Variants in LRRC69 observed in about 807,000 individuals in gnomAD.
LRRC69 encodes the protein leucine rich repeat containing 69, also known as leucine-rich repeat-containing protein 69.
A neutral mutation model predicts 37.8 loss-of-function variants in LRRC69; 42 were observed. That is an observed-to-expected ratio of 1.11 (90% CI 0.87 to 1.44). The LOEUF is 1.44. LRRC69 is among the 40% of genes most tolerant of loss of function. LRRC69 has a pLI of 0.00. For missense variants in LRRC69, 357 were observed against 401.9 expected (o/e 0.89, Z 0.96); for synonymous variants, 141 against 143.1 (o/e 0.99, Z 0.11).
intron 5 of LRRC69, among the ~76,000 whole-genome samples, chr8:91,140,091 CA>C (rs560827789): frequency 0.033 from 3,841 of 114,776 alleles, 101 homozygotes; most frequent in African/African-American, 0.092. Flanking sequence ...AACTCCGTCT[CA>C]AAAAAAAAAA....
At chr8:91,163,060 T>C (rs1808972382) in intron 5 of LRRC69, among the ~76,000 whole-genome samples, 1 of 151,364 alleles carries the variant, frequency 6.6e-6, no homozygotes, top group Admixed American at 6.6e-5. Context: ...ATGTTAAGTG[T>C]AGTTATTTCT....
chr8:91,201,745 A>C (rs1245049077), intron 7 of LRRC69, among the ~76,000 whole-genome samples: 1 of 152,212 alleles, frequency 6.6e-6, no homozygotes, highest in Non-Finnish European at 1.5e-5. Flanking sequence ...AATTAATAAA[A>C]ACAGCTGCAG....
intron 5 of LRRC69, among the ~76,000 whole-genome samples, chr8:91,137,526 T>C (rs1477173383): frequency 6.6e-6 from 1 of 152,100 alleles, no homozygotes; most frequent in Non-Finnish European, 1.5e-5. Flanking sequence ...TCATTTATTA[T>C]TCACCTTTCA....
chr8:91,169,873 A>G (rs1213915984), intron 5 of LRRC69, among the ~76,000 whole-genome samples: 2 of 129,606 alleles, frequency 1.5e-5, no homozygotes, highest in Admixed American at 1.5e-4. Flanking sequence ...TTATGGCTGC[A>G]TAGTATTCCA....
intron 7 of LRRC69, among the ~76,000 whole-genome samples, chr8:91,201,704 A>G (rs1418785106): frequency 6.6e-6 from 1 of 152,142 alleles, no homozygotes; most frequent in Non-Finnish European, 1.5e-5. Flanking sequence ...TTGGGCTAGC[A>G]TAGTATAATA....
At chr8:91,103,084 G>A (rs1813249809) in intron 1 of LRRC69, among the ~76,000 whole-genome samples, 2 of 152,116 alleles carry the variant, frequency 1.3e-5, no homozygotes, top group South Asian at 2.1e-4. Context: ...CTGGAGTCAG[G>A]GGACTAGGTC....
chr8:91,158,404 A>G, intron 5 of LRRC69: 1 of 1,392,154 alleles, frequency 7.2e-7, no homozygotes. Context: ...ACCCCAAGAA[A>G]GTAAACAAAG....
chr8:91,174,441 G>A (rs1809189505), intron 5 of LRRC69, among the ~76,000 whole-genome samples: 1 of 152,094 alleles, frequency 6.6e-6, no homozygotes, highest in African/African-American at 2.4e-5. Context: ...AACCACACTG[G>A]GCCTTGTATG....
chr8:91,140,543 T>C (rs1808514091), intron 5 of LRRC69, among the ~76,000 whole-genome samples: 1 of 151,900 alleles, frequency 6.6e-6, no homozygotes, highest in African/African-American at 2.4e-5. Flanking sequence ...AAAAATTCAA[T>C]GTATACTGCA....
chr8:91,168,520 G>A (rs539489235), intron 5 of LRRC69, among the ~76,000 whole-genome samples: 1 of 151,840 alleles, frequency 6.6e-6, no homozygotes, highest in Non-Finnish European at 1.5e-5. Context: ...TTGCCCCTTG[G>A]TCTTTTCTTG....
chr8:91,173,038 TCTC>T (rs1259433018), intron 5 of LRRC69, among the ~76,000 whole-genome samples: 1 of 152,012 alleles, frequency 6.6e-6, no homozygotes. Context: ...TTCTGATTCT[TCTC>T]TGGTGTTGCC....
intron 5 of LRRC69, among the ~76,000 whole-genome samples, chr8:91,157,083 T>A (rs1808848731): frequency 6.6e-6 from 1 of 151,276 alleles, no homozygotes; most frequent in Non-Finnish European, 1.5e-5. Flanking sequence ...TGCTCAGAAT[T>A]GCTTTGGTTC....
At chr8:91,108,020 T>C (rs1464940511) in intron 1 of LRRC69, among the ~76,000 whole-genome samples, 1 of 152,026 alleles carries the variant, frequency 6.6e-6, no homozygotes, top group Admixed American at 6.6e-5. Flanking sequence ...GTAAAACAAA[T>C]AGCCATCATC....
intron 5 of LRRC69, among the ~76,000 whole-genome samples, chr8:91,136,725 C>G (rs183702702): frequency 8.7e-4 from 133 of 152,062 alleles, no homozygotes; most frequent in African/African-American, 3.0e-3. Flanking sequence ...ATCTTTCCCC[C>G]CTTCATGGCA....
chr8:91,131,319 C>T (rs1483628432), intron 3 of LRRC69, among the ~76,000 whole-genome samples: 1 of 150,118 alleles, frequency 6.7e-6, no homozygotes, highest in Non-Finnish European at 1.5e-5. Flanking sequence ...AGCAATCCTT[C>T]CACCTTGGCC....
intron 7 of LRRC69, among the ~76,000 whole-genome samples, chr8:91,206,259 A>G (rs1003963816): frequency 6.6e-6 from 1 of 152,218 alleles, no homozygotes; most frequent in Non-Finnish European, 1.5e-5. Flanking sequence ...GGCTAATGTT[A>G]AAATTTTTAA....
chr8:91,133,286 A>G (rs1178895360), exon 4 of LRRC69: 5 of 1,506,202 alleles, frequency 3.3e-6, no homozygotes, highest in Non-Finnish European at 4.4e-6. Context: ...GCCAGAAACA[A>G]CATTGGAGTT....
chr8:91,162,738 A>G (rs2130567642), intron 5 of LRRC69, among the ~76,000 whole-genome samples: 1 of 151,382 alleles, frequency 6.6e-6, no homozygotes, highest in Non-Finnish European at 1.5e-5. Flanking sequence ...GGGAAAATTT[A>G]AACTGTTTAT....
intron 7 of LRRC69, among the ~76,000 whole-genome samples, chr8:91,214,397 A>G (rs1387589729): frequency 6.6e-6 from 1 of 152,196 alleles, no homozygotes; most frequent in East Asian, 1.9e-4. Context: ...CTTCTTCAGT[A>G]TGTTATTTGA....
Sources: gnomAD v4.1 joint callset for allele counts (sites outside exome capture counted in the v4.1 genomes callset) on GRCh38, gnomAD v4.1.1 for gene constraint, MANE v1.5 for transcripts, NCBI Gene and HGNC (gene_info 2026-07-23, HGNC 2026-07-21) for gene names.